Variants in SLC24A2 observed in about 807,000 individuals in gnomAD.
The protein encoded by SLC24A2 is sodium/potassium/calcium exchanger 2.
A neutral mutation model predicts 62.0 loss-of-function variants in SLC24A2; 36 were observed. The ratio of observed to expected loss-of-function variants is 0.58; its 90% CI spans 0.44 to 0.77. The LOEUF (loss-of-function observed/expected upper bound fraction) is 0.77, where lower values mean the gene tolerates loss of function less well. Ranked by LOEUF, SLC24A2 falls within the 30% of genes least tolerant of loss-of-function variation. The pLI, the probability that SLC24A2 is intolerant of heterozygous loss-of-function variation, is 0.00. For synonymous variants in SLC24A2, 358 were observed against 294.0 expected, an observed-to-expected ratio of 1.22 and a Z score of -2.23; for missense variants, 846 against 817.9, an observed-to-expected ratio of 1.03 and a Z score of -0.42.
chr9:19,732,428 C>A (rs1443819111), intron 2 of SLC24A2, among the ~76,000 whole-genome samples: 1 of 152,162 alleles, frequency 6.6e-6, no homozygotes, highest in Middle Eastern at 3.2e-3. Flanking sequence ...CCAACCCATG[C>A]AACTCCATCA....
At chr9:19,810,287 G>T in the SLC24A2 span, among the ~76,000 whole-genome samples, 2 of 152,262 alleles carry the variant, frequency 1.3e-5, no homozygotes, top group East Asian at 3.9e-4. Context: ...CACAGCAGAG[G>T]GTCCTCAGTG....
At chr9:20,137,423 T>C in the SLC24A2 span, among the ~76,000 whole-genome samples, 1 of 152,196 alleles carries the variant, frequency 6.6e-6, no homozygotes, top group Non-Finnish European at 1.5e-5. Flanking sequence ...GTTTAAGCTC[T>C]GCTACTGTGA....
the SLC24A2 span, among the ~76,000 whole-genome samples, chr9:20,267,275 A>T: frequency 0.034 from 5,210 of 152,280 alleles, 118 homozygotes; most frequent in African/African-American, 0.049. Context: ...CACAATAACC[A>T]TCACCATCCC....
At chr9:20,106,804 T>A in the SLC24A2 span, among the ~76,000 whole-genome samples, 1 of 152,068 alleles carries the variant, frequency 6.6e-6, no homozygotes, top group African/African-American at 2.4e-5. Context: ...AGGGATGCCC[T>A]CTCTCACCAC....
At chr9:19,639,867 T>C (rs117245309) in intron 2 of SLC24A2, among the ~76,000 whole-genome samples, 2 of 152,308 alleles carry the variant, frequency 1.3e-5, no homozygotes, top group South Asian at 2.1e-4. Context: ...TAAGGCATAG[T>C]AGAGGGAGGA....
At chr9:20,052,230 A>G in the SLC24A2 span, among the ~76,000 whole-genome samples, 1 of 152,150 alleles carries the variant, frequency 6.6e-6, no homozygotes, top group Admixed American at 6.5e-5. Context: ...AGTAAACAGC[A>G]TTGTCATGTT....
the SLC24A2 span, among the ~76,000 whole-genome samples, chr9:20,148,470 G>A: frequency 6.6e-6 from 1 of 152,094 alleles, no homozygotes; most frequent in African/African-American, 2.4e-5. Context: ...CCTGCAATCA[G>A]AGCTGGATGT....
At chr9:20,187,467 C>A in the SLC24A2 span, among the ~76,000 whole-genome samples, 18 of 152,164 alleles carry the variant, frequency 1.2e-4, no homozygotes, top group African/African-American at 4.1e-4. Context: ...TGATCACGCT[C>A]ACTTTGCCTA....
chr9:19,912,242 G>A, the SLC24A2 span, among the ~76,000 whole-genome samples: 237 of 152,156 alleles, frequency 1.6e-3, 8 homozygotes, highest in East Asian at 0.041. Context: ...GGATCATCCT[G>A]GTGAGCTATC....
the SLC24A2 span, among the ~76,000 whole-genome samples, chr9:20,112,313 G>A: frequency 6.6e-6 from 1 of 152,294 alleles, no homozygotes; most frequent in South Asian, 2.1e-4. Context: ...CGAATCTGCA[G>A]GAGGCTTTAA....
At chr9:19,720,281 T>G (rs1279470415) in intron 2 of SLC24A2, among the ~76,000 whole-genome samples, 1 of 152,288 alleles carries the variant, frequency 6.6e-6, no homozygotes, top group South Asian at 2.1e-4. Flanking sequence ...AAGCTGAAAA[T>G]ATTACATCTT....
chr9:19,513,158 ATATATATATATATATATGTAT>A lies in SLC24A2; in HGVS notation c.*2974_*2994del, dbSNP rs1832783028. ...ACATATAGATCTGGTATAAAGATAT[ATATATATATATATATATGTAT>A]ATATATATATATGTATATATTTATA... is the stretch of plus-strand genomic sequence containing the variant. On this transcript the variant is annotated 3_prime_UTR_variant, in exon 11 of 11. Coordinates refer to ENST00000341998, the MANE Select transcript of SLC24A2 (RefSeq NM_020344.4). 3 of 60,374 alleles carry A rather than the reference ATATATATATATATATATGTAT, an allele frequency of 5.0e-5. No homozygotes were observed. The highest frequency in any genetic ancestry group is 4.6e-4 in the Admixed American group (3 of 6,552). The allele number at this position is 60,374 out of a possible 1,614,324, so 3.7% of individuals were successfully genotyped here.
chr9:19,862,553 C>T, the SLC24A2 span, among the ~76,000 whole-genome samples: 1 of 152,022 alleles, frequency 6.6e-6, no homozygotes, highest in Admixed American at 6.6e-5. Flanking sequence ...AGTGTTATAA[C>T]ACTGCAACTG....
chr9:19,612,389 A>C (rs1257413765), intron 4 of SLC24A2, among the ~76,000 whole-genome samples: 1 of 152,132 alleles, frequency 6.6e-6, no homozygotes, highest in Admixed American at 6.5e-5. Flanking sequence ...TATGTTGCCC[A>C]GGCTGCTCTT....
the SLC24A2 span, among the ~76,000 whole-genome samples, chr9:19,839,148 C>G: frequency 6.6e-6 from 1 of 152,176 alleles, no homozygotes; most frequent in Non-Finnish European, 1.5e-5. Flanking sequence ...AAATGCTCAT[C>G]ATCACTGGCC....
the SLC24A2 span, among the ~76,000 whole-genome samples, chr9:19,979,815 A>C: frequency 0.47 from 71,581 of 152,032 alleles, 17,751 homozygotes; most frequent in Non-Finnish European, 0.55. Flanking sequence ...GCCTGGGTTT[A>C]AATCTTGACT....
the SLC24A2 span, among the ~76,000 whole-genome samples, chr9:20,004,382 G>A: frequency 6.6e-6 from 1 of 152,174 alleles, no homozygotes; most frequent in Non-Finnish European, 1.5e-5. Context: ...AACAGCAGCT[G>A]AGCACCTGCA....
rs981592166 is a variant in SLC24A2, at chr9:19,510,029, C to T, written c.*6124G>A. 1 of 152,056 alleles carries T rather than the reference C, an allele frequency of 6.6e-6. No individual in the cohort carries two copies. The highest frequency in any genetic ancestry group is 2.4e-5 in the African/African-American group (1 of 41,392). 9.4% of individuals were successfully genotyped at this position (152,056 alleles called of 1,614,324 possible). On this transcript the variant is annotated 3_prime_UTR_variant, in exon 11 of 11. Transcript: ENST00000341998. Reference sequence around the variant, plus strand: ...ATATTTAAAATAAAAATATTGATTCCTCTTGATAAATTAGTGGGTAAGTAC... The same window carrying T: ...ATATTTAAAATAAAAATATTGATTCTTCTTGATAAATTAGTGGGTAAGTAC...
intron 2 of SLC24A2, among the ~76,000 whole-genome samples, chr9:19,686,189 T>C (rs1819875872): frequency 6.6e-6 from 1 of 152,052 alleles, no homozygotes; most frequent in Admixed American, 6.6e-5. Flanking sequence ...ATTAGAGAAA[T>C]GCAAATCAAA....
Sources: allele counts gnomAD v4.1 joint callset (sites outside exome capture counted in the v4.1 genomes callset), GRCh38; gene constraint gnomAD v4.1.1; transcripts MANE v1.5; gene names NCBI Gene and HGNC (gene_info 2026-07-23, HGNC 2026-07-21).